Variants in ZNF133 observed in about 807,000 individuals in gnomAD.
The protein encoded by ZNF133 is zinc finger protein 133.
Under a neutral mutation model 54.9 loss-of-function variants are expected in ZNF133, and 26 were observed. The ratio of observed to expected loss-of-function variants is 0.47; its 90% CI spans 0.35 to 0.66. The LOEUF (loss-of-function observed/expected upper bound fraction) is 0.66. Among genes scored for constraint, ZNF133 ranks in the 30% least tolerant of loss-of-function variants. The pLI, the probability that ZNF133 is intolerant of heterozygous loss-of-function variation, is 0.01. For synonymous variants in ZNF133, 298 were observed against 320.3 expected (o/e 0.93, Z 0.74); for missense variants, 653 against 820.8 (o/e 0.80, Z 2.50).
chr20:18,300,067 C>G (rs2043054160), intron 3 of ZNF133, among the ~76,000 whole-genome samples: 1 of 152,118 alleles, frequency 6.6e-6, no homozygotes, highest in African/African-American at 2.4e-5. Context: ...ATTACTGTAA[C>G]TGTGCTTTGT....
intron 6 of ZNF133, chr20:18,314,096 T>C (rs1179665365): frequency 6.6e-6 from 1 of 152,256 alleles, no homozygotes; most frequent in African/African-American, 2.4e-5. Flanking sequence ...GTTCTGCTCA[T>C]TGTAATTAGG....
intron 1 of ZNF133, among the ~76,000 whole-genome samples, chr20:18,296,824 A>G (rs6045316): frequency 6.6e-6 from 1 of 152,160 alleles, no homozygotes; most frequent in South Asian, 2.1e-4. Flanking sequence ...TGTATTTTAA[A>G]TTTTTTGAGA....
intron 6 of ZNF133, among the ~76,000 whole-genome samples, chr20:18,308,199 G>A (rs1028387465): frequency 4.6e-5 from 7 of 152,088 alleles, no homozygotes; most frequent in African/African-American, 1.7e-4. Flanking sequence ...TTATATATGT[G>A]CTTTAATTTT....
chr20:18,294,847 C>T (rs368282631), intron 1 of ZNF133, among the ~76,000 whole-genome samples: 198 of 152,190 alleles, frequency 1.3e-3, no homozygotes, highest in African/African-American at 4.5e-3. Flanking sequence ...TTTGTTATTG[C>T]GATGTTGGAG....
chr20:18,300,078 A>G (rs2043056210), intron 3 of ZNF133, among the ~76,000 whole-genome samples: 1 of 152,196 alleles, frequency 6.6e-6, no homozygotes, highest in Non-Finnish European at 1.5e-5. Context: ...TGTGCTTTGT[A>G]ACTTCACTTT....
In ZNF133 at chr20:18,316,047, A is replaced by G; in HGVS notation, c.1196A>G (p.Asn399Ser). 1 of 1,606,984 alleles carries G rather than the reference A, an allele frequency of 6.2e-7. No individual in the cohort carries two copies. The highest frequency in any genetic ancestry group is 8.5e-7 in the Non-Finnish European group (1 of 1,177,990). Residue 399 changes from asparagine to serine, a missense_variant, in exon 7 of 7, where the codon AAC becomes AGC. This residue lies in a region of ZNF133 where 292 missense variants were observed against 431.6 expected (regional missense o/e 0.68). Coordinates refer to ENST00000425686, the MANE Select transcript of ZNF133 (RefSeq NM_001352452.2). ...TTCAGGCAGAGGACCACCCTTGTCAACCACCAGAGGACACACTCAAAGGAG... is the reference window on the plus strand; with the variant it reads ...TTCAGGCAGAGGACCACCCTTGTCAGCCACCAGAGGACACACTCAAAGGAG... ...RCFRQRTTLV[N>S]HQRTHSKEKP... is the part of the protein sequence containing the mutation.
rs756342849 is a variant in ZNF133, at chr20:18,315,156, A to C, written c.305A>C (p.Asn102Thr). ...QKFPMQHVLC[N>T]HPPWIFTCLC... is the part of the protein sequence containing the mutation. ...TTCCCCATGCAGCATGTGCTGTGTA[A>C]TCATCCCCCCTGGATCTTCACATGC... Residue 102 changes from asparagine to threonine, a missense_variant, in exon 7 of 7, where the codon AAT (asparagine) becomes ACT (threonine). Around this residue, in one of 4 missense-constraint regions of ZNF133, gnomAD observed 227 missense variants for 233.9 expected, o/e 0.97. Coordinates refer to ENST00000425686, the MANE Select transcript of ZNF133 (RefSeq NM_001352452.2). The C allele has an allele frequency of 1.9e-6, 3 of 1,610,392 alleles. No homozygotes were observed. Among genetic ancestry groups the C allele is most frequent in the Non-Finnish European group, 8.5e-7 (1 of 1,177,624 alleles).
intron 1 of ZNF133, 74 bp downstream of exon 1, chr20:18,288,678 T>A (rs1403436359): frequency 2.5e-6 from 1 of 398,442 alleles, no homozygotes; most frequent in East Asian, 3.6e-5. Context: ...CCCGAAAGGC[T>A]GGACTATGGG....
Position 18,298,170 on chromosome 20 carries a change from T to A in ZNF133, c.-354+108T>A. On this transcript the variant is annotated intron_variant, in intron 2 of 6. Transcript: ENST00000425686. ...AGTAGAGTTCAGCTCCAATTCCTCTTACTTGCTCCCCTGCCTCAGCATCAC... is the reference window on the plus strand; with the variant it reads ...AGTAGAGTTCAGCTCCAATTCCTCTAACTTGCTCCCCTGCCTCAGCATCAC... The A allele has an allele frequency of 2.6e-6, 4 of 1,524,098 alleles. No individual in the cohort carries two copies. The South Asian group carries it at 4.8e-5, about 18-fold the overall frequency. 94.4% of individuals were successfully genotyped at this position (1,524,098 alleles called of 1,614,324 possible).
chr20:18,294,161 G>A (rs578140646), intron 1 of ZNF133, among the ~76,000 whole-genome samples: 2 of 152,120 alleles, frequency 1.3e-5, no homozygotes, highest in African/African-American at 2.4e-5. Context: ...GGTTAATATC[G>A]CCAGTAAAAA....
At chr20:18,314,783 G>A in intron 6 of ZNF133, 2 of 325,718 alleles carry the variant, frequency 6.1e-6, no homozygotes, top group Non-Finnish European at 1.1e-5. Context: ...TAATTGTATT[G>A]AAGGTGAGGG....
In ZNF133 at chr20:18,315,998, G is replaced by C. The variant is rs759777950; in HGVS notation, c.1147G>C (p.Ala383Pro). 17 of 1,612,748 alleles carry C rather than the reference G, an allele frequency of 1.1e-5. No individual in the cohort carries two copies. The Admixed American group carries it at 2.8e-4, about 27-fold the overall frequency. Residue 383 changes from alanine to proline, a missense_variant, in exon 7 of 7, where the codon GCC becomes CCC. Physicochemically the swap from Ala to Pro is conservative, Grantham distance 27. This residue lies in a region of ZNF133 where 292 missense variants were observed against 431.6 expected (regional missense o/e 0.68). Transcript: ENST00000425686. Reference protein sequence around the residue: ...QRTHSGEKPYACKECGRCFRQ... With the variant: ...QRTHSGEKPYPCKECGRCFRQ... The stretch of plus-strand genomic sequence containing the variant: ...GACGCACTCTGGGGAGAAGCCCTAC[G>C]CCTGCAAGGAGTGTGGGCGATGCTT...
At chr20:18,293,269 T>C (rs577896955) in intron 1 of ZNF133, among the ~76,000 whole-genome samples, 53 of 152,322 alleles carry the variant, frequency 3.5e-4, no homozygotes, top group South Asian at 1.2e-3. Context: ...CTGCAGTCAT[T>C]TGGGGACTCA....
In ZNF133 at chr20:18,299,587, C is replaced by G. The variant is rs566961547; in HGVS notation, c.-178+1123C>G. Reference sequence around the variant, plus strand: ...GACTTGAATATAAACATCCAAGCAGCTCAATGAACTATAAGTAGGAAAACC... The same window carrying G: ...GACTTGAATATAAACATCCAAGCAGGTCAATGAACTATAAGTAGGAAAACC... On this transcript the variant is annotated intron_variant, in intron 3 of 6. Coordinates refer to ENST00000425686, the MANE Select transcript of ZNF133 (RefSeq NM_001352452.2). Among the ~76,000 whole-genome samples the G allele has an allele frequency of 2.0e-4, 31 of 152,198 alleles. No individual in the cohort carries two copies. The South Asian group carries it at 2.7e-3, about 13-fold the overall frequency.
In ZNF133 at chr20:18,298,004, A is replaced by G; in HGVS notation, c.-412A>G. On this transcript the variant is annotated 5_prime_UTR_variant, in exon 2 of 7. Coordinates refer to ENST00000425686, the MANE Select transcript of ZNF133 (RefSeq NM_001352452.2). Reference sequence around the variant, plus strand: ...ACCCAGATCTACCTTCTGAGATATCATCCTTCTTCAGGGAGATAAGGAAAA... The same window carrying G: ...ACCCAGATCTACCTTCTGAGATATCGTCCTTCTTCAGGGAGATAAGGAAAA... 6.5e-7 allele frequency: 1 copy of G among 1,534,044 alleles called. No individual in the cohort carries two copies. Among genetic ancestry groups the G allele is most frequent in the Non-Finnish European group, 8.7e-7 (1 of 1,145,644 alleles).
At chr20:18,302,024 T>A (rs891007018) in intron 3 of ZNF133, among the ~76,000 whole-genome samples, 7 of 152,142 alleles carry the variant, frequency 4.6e-5, no homozygotes, top group African/African-American at 1.4e-4. Flanking sequence ...CAAACTGAAT[T>A]CAACAAGCGT....
At chr20:18,310,759 T>G (rs1375845604) in intron 6 of ZNF133, among the ~76,000 whole-genome samples, 1 of 152,194 alleles carries the variant, frequency 6.6e-6, no homozygotes, top group Non-Finnish European at 1.5e-5. Context: ...AGATTTTGGG[T>G]GTTCTCATCA....
Position 18,306,375 on chromosome 20 carries a change from T to C in ZNF133, c.199T>C (p.Ser67Pro), listed in dbSNP as rs760839434. ...GACCTGGAGAGAGGAAAAAAAATGT[T>C]CACCGGCAACCTGTCCAGGTGAGTG... ...KETWREEKKC[S>P]PATCPADPEP... The change falls in exon 6 of 7, where the codon TCA becomes CCA. Residue 67 changes from serine (S) to proline (P), a missense_variant. Ser to Pro is a moderately conservative substitution (Grantham distance 74). Coordinates refer to ENST00000425686, the MANE Select transcript of ZNF133 (RefSeq NM_001352452.2). The C allele has an allele frequency of 1.2e-6, 2 of 1,613,534 alleles. No individual in the cohort carries two copies. Among genetic ancestry groups the C allele is most frequent in the South Asian group, 2.2e-5 (2 of 90,956 alleles).
Position 18,305,641 on chromosome 20 carries a change from G to T in ZNF133, c.-6-40G>T. 1 of 1,613,704 alleles carries T rather than the reference G, an allele frequency of 6.2e-7. No homozygotes were observed. Among genetic ancestry groups the T allele is most frequent in the Non-Finnish European group, 8.5e-7 (1 of 1,179,966 alleles). ...TGCCCCTCACCCTGCCATGGGCAAG[G>T]CTGGCTTCTGAGTGAGCAGGGCTCA... On this transcript the variant is annotated intron_variant, in intron 4 of 6. Coordinates refer to ENST00000425686, the MANE Select transcript of ZNF133 (RefSeq NM_001352452.2). The surrounding 1 kb of genome is among the most constrained non-coding windows in gnomAD (Gnocchi z 4.7).
Sources: gnomAD v4.1 joint callset for allele counts (sites outside exome capture counted in the v4.1 genomes callset) on GRCh38, gnomAD v4.1.1 for gene constraint, gnomAD v4.1.1 regional missense constraint, Gnocchi (gnomAD v3.1) non-coding constraint, MANE v1.5 for transcripts, NCBI Gene and HGNC (gene_info 2026-07-23, HGNC 2026-07-21) for gene names.